Variants in LEMD1 observed in about 807,000 individuals in gnomAD.
LEMD1 encodes LEM domain-containing protein 1.
A neutral mutation model predicts 17.4 loss-of-function variants in LEMD1; 18 were observed. The observed-to-expected ratio is 1.04, with a 90% CI of 0.72 to 1.54. LEMD1 has a LOEUF of 1.54. Ranked by LOEUF, LEMD1 falls within the 40% of genes most tolerant of loss-of-function variation. The pLI, the probability that LEMD1 is intolerant of heterozygous loss-of-function variation, is 0.00. For missense variants in LEMD1, 195 were observed against 210.4 expected (o/e 0.93, Z 0.45); for synonymous variants, 88 against 77.8 (o/e 1.13, Z -0.69).
At chr1:205,449,933 C>T (rs1051469333), upstream of LEMD1, 2 of 152,632 alleles carry the variant, frequency 1.3e-5, no homozygotes, top group Non-Finnish European at 2.9e-5. Flanking sequence ...AGAGCCACTT[C>T]CTGCCTTCCA....
intron 1 of LEMD1, among the ~76,000 whole-genome samples, chr1:205,445,405 G>A (rs750434522): frequency 2.0e-5 from 3 of 152,214 alleles, no homozygotes; most frequent in Non-Finnish European, 2.9e-5. Context: ...GGAGAAGCCC[G>A]CATTCTCCTT....
At chr1:205,392,090 G>A (rs556531103) in intron 4 of LEMD1, among the ~76,000 whole-genome samples, 23 of 152,124 alleles carry the variant, frequency 1.5e-4, no homozygotes, top group African/African-American at 4.8e-4. Context: ...CAGCCTGGGC[G>A]ACAGAGAGAG....
chr1:205,422,610 T>C (rs1037025214), upstream of LEMD1, among the ~76,000 whole-genome samples: 5 of 146,008 alleles, frequency 3.4e-5, no homozygotes, highest in South Asian at 4.6e-4. Context: ...ACAGATATTA[T>C]CATCTACATC....
At chr1:205,403,356 T>C (rs1401360008) in intron 4 of LEMD1, among the ~76,000 whole-genome samples, 1 of 152,196 alleles carries the variant, frequency 6.6e-6, no homozygotes, top group Admixed American at 6.5e-5. Context: ...TGGTAAGCTA[T>C]TGATTATTGC....
At chr1:205,445,395 G>A (rs1666371045) in intron 1 of LEMD1, among the ~76,000 whole-genome samples, 1 of 152,210 alleles carries the variant, frequency 6.6e-6, no homozygotes, top group Non-Finnish European at 1.5e-5. Context: ...CTCCAGTCTG[G>A]GAGAAGCCCG....
upstream of LEMD1, among the ~76,000 whole-genome samples, chr1:205,425,932 C>T (rs1056959448): frequency 6.6e-6 from 1 of 152,000 alleles, no homozygotes; most frequent in African/African-American, 2.4e-5. Flanking sequence ...ATTTTTGAAA[C>T]TATGATACTC....
At chr1:205,432,001 C>A (rs1666131850) in intron 1 of LEMD1, among the ~76,000 whole-genome samples, 1 of 152,186 alleles carries the variant, frequency 6.6e-6, no homozygotes, top group South Asian at 2.1e-4. Context: ...AGGTGTAAGC[C>A]ACCGCACCCG....
intron 1 of LEMD1, among the ~76,000 whole-genome samples, chr1:205,447,866 G>T (rs1666430273): frequency 6.6e-6 from 1 of 152,144 alleles, no homozygotes. Context: ...TCCTTACACA[G>T]AAAAAAGGCT....
chr1:205,402,951 G>A (rs1250552406), intron 4 of LEMD1, among the ~76,000 whole-genome samples: 1 of 151,922 alleles, frequency 6.6e-6, no homozygotes, highest in Non-Finnish European at 1.5e-5. Context: ...TGCATCTATT[G>A]AGATAATCAT....
In LEMD1 at chr1:205,391,173, T is replaced by C. The variant is rs185272617; in HGVS notation, c.271-6809A>G. Among the ~76,000 whole-genome samples, 103 of 152,096 alleles carry C rather than the reference T, an allele frequency of 6.8e-4. 2 individuals carry two copies. The highest frequency in any genetic ancestry group is 5.3e-3 in the Admixed American group (81 of 15,272). On this transcript the variant is annotated intron_variant, in intron 4 of 5. Transcript: ENST00000367153. ...GCTCAGAAGAAAAAAAAATGGACCA[T>C]TGGAAAACAGTATTGGGAACAAATT...
chr1:205,418,967 G>A (rs1157283809), intron 3 of LEMD1, among the ~76,000 whole-genome samples: 1 of 152,184 alleles, frequency 6.6e-6, no homozygotes, highest in Non-Finnish European at 1.5e-5. Flanking sequence ...CACACATTTG[G>A]CTCTAGTTAG....
chr1:205,421,456 T>C (rs1489229697), intron 1 of LEMD1, among the ~76,000 whole-genome samples: 1 of 152,224 alleles, frequency 6.6e-6, no homozygotes, highest in Non-Finnish European at 1.5e-5. Flanking sequence ...CATAGGAGGA[T>C]CTAGACCAAT....
chr1:205,413,297 TA>T (rs1665535591), intron 4 of LEMD1, among the ~76,000 whole-genome samples: 1 of 152,160 alleles, frequency 6.6e-6, no homozygotes, highest in African/African-American at 2.4e-5. Flanking sequence ...TAATTTTTAT[TA>T]TTTTTTTGAG....
intron 4 of LEMD1, among the ~76,000 whole-genome samples, chr1:205,404,258 G>A (rs1470472156): frequency 6.6e-6 from 1 of 152,040 alleles, no homozygotes; most frequent in East Asian, 1.9e-4. Context: ...GGGTATCCTT[G>A]TTAACTTTCT....
chr1:205,406,946 TG>T (rs1294544467), intron 4 of LEMD1, among the ~76,000 whole-genome samples: 5 of 152,174 alleles, frequency 3.3e-5, no homozygotes, highest in African/African-American at 9.7e-5. Context: ...GTTATCTTTT[TG>T]TATGCTAATG....
intron 1 of LEMD1, among the ~76,000 whole-genome samples, chr1:205,430,415 G>C (rs1666109384): frequency 6.6e-6 from 1 of 152,214 alleles, no homozygotes; most frequent in Non-Finnish European, 1.5e-5. Context: ...AGGAAGTATA[G>C]AGGGAGGCTA....
chr1:205,406,855 TC>T (rs993531233), intron 4 of LEMD1, among the ~76,000 whole-genome samples: 20 of 152,220 alleles, frequency 1.3e-4, no homozygotes, highest in African/African-American at 4.3e-4. Context: ...TCTTGGCTCC[TC>T]CCCCCAATAT....
In LEMD1 at chr1:205,390,060, A is replaced by T. The variant is rs1292997361; in HGVS notation, c.271-5696T>A. 9.2e-5 allele frequency among the ~76,000 whole-genome samples: 14 copies of T among 152,312 alleles called. No individual in the cohort carries two copies. The East Asian group carries it at 2.3e-3, about 25-fold the overall frequency. On this transcript the variant is annotated intron_variant, in intron 4 of 5. Coordinates refer to ENST00000367153, the MANE Select transcript of LEMD1 (RefSeq NM_001199050.2). ...GATCATCTCCATTCCTGGTTTTTAA[A>T]AAATCTTCTAGCAACCAGGGGAGGT...
intron 5 of LEMD1, among the ~76,000 whole-genome samples, chr1:205,383,728 G>A (rs1663843301): frequency 6.7e-6 from 1 of 150,108 alleles, no homozygotes; most frequent in Admixed American, 6.7e-5. Flanking sequence ...CCGCCTCCCT[G>A]GTTCAAGCAA....
Sources: gnomAD v4.1 joint callset for allele counts (sites outside exome capture counted in the v4.1 genomes callset) on GRCh38, gnomAD v4.1.1 for gene constraint, MANE v1.5 for transcripts, NCBI Gene and HGNC (gene_info 2026-07-23, HGNC 2026-07-21) for gene names.